Variants in SLC27A5 observed in about 807,000 individuals in gnomAD.
SLC27A5 encodes solute carrier family 27 member 5, also known as long-chain fatty acid transport protein 5.
In SLC27A5, 47 loss-of-function variants were observed where a neutral mutation model predicts 63.1. The observed-to-expected ratio is 0.74, with a 90% CI of 0.59 to 0.95. The LOEUF (loss-of-function observed/expected upper bound fraction) is 0.95, where lower values mean the gene tolerates loss of function less well. Ranked by LOEUF, SLC27A5 falls within the 40% of genes least tolerant of loss-of-function variation. SLC27A5 has a pLI of 0.00. For missense variants in SLC27A5, 940 were observed against 921.0 expected (o/e 1.02, Z -0.27); for synonymous variants, 391 against 403.8 (o/e 0.97, Z 0.38).
chr19:58,498,914 A>G lies in SLC27A5; in HGVS notation c.1767T>C (p.Gly589=). The G allele has an allele frequency of 4.3e-6, 7 of 1,611,524 alleles. No homozygotes were observed. Among genetic ancestry groups the G allele is most frequent in the Non-Finnish European group, 5.9e-6 (7 of 1,179,674 alleles). ...CAGCCATGCCCACCTTACCCTCACAACCTAGAGAGCAGTCTGGTCACTCTC... is the reference window on the plus strand; with the variant it reads ...CAGCCATGCCCACCTTACCCTCACAGCCTAGAGAGCAGTCTGGTCACTCTC... The part of the protein sequence containing the change: ...QVNVYGVCVP[G]CEGKVGMAAV... Residue 589 remains glycine, a splice_region_variant and synonymous_variant, in exon 9 of 10, where the codon GGT becomes GGC. Coordinates refer to ENST00000263093, the MANE Select transcript of SLC27A5 (RefSeq NM_012254.3).
At chr19:58,510,148 T>G in intron 2 of SLC27A5, 143 bp from the exon 3 acceptor site, 1 of 774,626 alleles carries the variant, frequency 1.3e-6, no homozygotes, top group Non-Finnish European at 2.0e-6. Flanking sequence ...GATTTGTGGT[T>G]GGGTTCACAG....
intron 6 of SLC27A5, among the ~76,000 whole-genome samples, chr19:58,499,893 T>C (rs1049701647): frequency 1.3e-5 from 2 of 151,290 alleles, no homozygotes; most frequent in African/African-American, 2.4e-5. Context: ...GAGAGAGAAG[T>C]ATAGAGAAGG....
intron 3 of SLC27A5, 48 bp downstream of exon 3, chr19:58,509,795 CACTT>C: frequency 1.3e-6 from 2 of 1,537,126 alleles, no homozygotes; most frequent in South Asian, 2.4e-5. Flanking sequence ...CCCACGCCGA[CACTT>C]ACTCCCGTGG....
At chr19:58,501,815 A>C (rs760353949) in intron 3 of SLC27A5, among the ~76,000 whole-genome samples, 10 of 152,146 alleles carry the variant, frequency 6.6e-5, no homozygotes, top group African/African-American at 9.7e-5. Context: ...CTGGGATTAC[A>C]AGCACCCGCC....
Position 58,500,704 on chromosome 19 carries a change from T to C in SLC27A5, c.1185A>G (p.Gln395=). The C allele has an allele frequency of 6.2e-7, 1 of 1,612,766 alleles. No individual in the cohort carries two copies. Residue 395 remains glutamine, a splice_region_variant and synonymous_variant, in exon 5 of 10, where the codon CAA becomes CAG. Transcript: ENST00000263093. The part of the protein sequence containing the change: ...LLRYLCNIPQ[Q]PEDRTHTVRL... Reference sequence around the variant, plus strand: ...GGACTGTATGTGTCCGGTCCTCTGGTTGCTACAGGAATGTCCCCAGAAGGG... The same window carrying C: ...GGACTGTATGTGTCCGGTCCTCTGGCTGCTACAGGAATGTCCCCAGAAGGG...
At chr19:58,505,009 G>GA (rs1257638078) in intron 3 of SLC27A5, among the ~76,000 whole-genome samples, 1,312 of 77,458 alleles carry the variant, frequency 0.017, 8 homozygotes, top group Non-Finnish European at 0.026. Context: ...CCATCTCAAA[G>GA]AAAAAAAAAA....
At chr19:58,504,254 G>A (rs1448969902) in intron 3 of SLC27A5, among the ~76,000 whole-genome samples, 5 of 152,126 alleles carry the variant, frequency 3.3e-5, no homozygotes, top group African/African-American at 7.2e-5. Context: ...AATCACTTTG[G>A]TTACAGTTTC....
Position 58,502,543 on chromosome 19 carries a change from G to C in SLC27A5, c.1058-1133C>G, listed in dbSNP as rs570853933. Reference sequence around the variant, plus strand: ...GATGGATGGGTGAACAGTTAGAGTAGTGAGTGAGTGGATGGATGGGTGGAC... The same window carrying C: ...GATGGATGGGTGAACAGTTAGAGTACTGAGTGAGTGGATGGATGGGTGGAC... On this transcript the variant is annotated intron_variant, in intron 3 of 9. Transcript: ENST00000263093. 8.9e-4 allele frequency among the ~76,000 whole-genome samples: 70 copies of C among 78,456 alleles called. 1 individual carries two copies. Among genetic ancestry groups the C allele is most frequent in the African/African-American group, 2.5e-3 (70 of 28,106 alleles). 51.5% of individuals were successfully genotyped at this position (78,456 alleles called of 152,430 possible).
chr19:58,506,843 A>T (rs1381911835), intron 3 of SLC27A5, among the ~76,000 whole-genome samples: 1 of 151,850 alleles, frequency 6.6e-6, no homozygotes, highest in Admixed American at 6.6e-5. Context: ...TCCTGATTTC[A>T]GGTGATCCAG....
At chr19:58,504,899 C>T (rs931274926) in intron 3 of SLC27A5, among the ~76,000 whole-genome samples, 36 of 150,286 alleles carry the variant, frequency 2.4e-4, no homozygotes, top group African/African-American at 6.1e-4. Flanking sequence ...CCAGCTACTC[C>T]GGAGACTTAG....
rs1371293282 is a variant in SLC27A5, at chr19:58,511,899, G to A, written c.57C>T (p.Gly19=). 1.3e-6 allele frequency: 2 copies of A among 1,548,852 alleles called. No individual in the cohort carries two copies. The highest frequency in any genetic ancestry group is 3.9e-5 in the Admixed American group (2 of 51,076). ...CGACTGGCCACACTGGCTGCCCCAG[G>A]CCCCAGAGCAGGAGCAGCAGCAGCA... is the stretch of plus-strand genomic sequence containing the variant. The part of the protein sequence containing the change: ...LLLLLLLLLW[G]LGQPVWPVAV... Residue 19 remains glycine, a synonymous_variant, in exon 1 of 10, where the codon GGC becomes GGT. Coordinates refer to ENST00000263093, the MANE Select transcript of SLC27A5 (RefSeq NM_012254.3).
At chr19:58,500,862 C>T (rs1331362852) in intron 4 of SLC27A5, 156 bp from the exon 5 acceptor site, 1 of 1,435,904 alleles carries the variant, frequency 7.0e-7, no homozygotes, top group East Asian at 2.5e-5. Context: ...GGGTTACTTA[C>T]ATGAGAGTAG....
At position 58,499,651 on chromosome 19, in the gene SLC27A5, T is replaced by G. The variant is rs566100407; in HGVS notation, c.1508A>C (p.Gln503Pro). 2 of 1,612,474 alleles carry G rather than the reference T, an allele frequency of 1.2e-6. No individual in the cohort carries two copies. The highest frequency in any genetic ancestry group is 2.7e-5 in the African/African-American group (2 of 74,996). The change falls in exon 7 of 10, where the codon CAA (glutamine) becomes CCA (proline). Residue 503 changes from glutamine (Q) to proline (P), a missense_variant. Coordinates refer to ENST00000263093, the MANE Select transcript of SLC27A5 (RefSeq NM_012254.3). ...GLLLTKVVSQQPFVGYRGPRE... is the reference protein window; with the variant it reads ...GLLLTKVVSQPPFVGYRGPRE... ...GGGGCCGCGGTAGCCCACGAAGGGT[T>G]GCTGGCTTACCACCTTGGTCAGCAG... is the stretch of plus-strand genomic sequence containing the variant.
chr19:58,499,135 C>T lies in SLC27A5; in HGVS notation c.1753G>A (p.Val585Met). The stretch of plus-strand genomic sequence containing the variant: ...GAACCCTCCGCACCTGGCACGCACA[C>T]GCCATACACGTTAACCTGTTGCAAG... ...DFLQQVNVYG[V>M]CVPGCEGKVG... The change falls in exon 8 of 10, where the codon GTG (valine) becomes ATG (methionine). Residue 585 changes from valine (V) to methionine (M), a missense_variant. By Grantham distance (21) the Val-to-Met change is conservative (BLOSUM62 1). Coordinates refer to ENST00000263093, the MANE Select transcript of SLC27A5 (RefSeq NM_012254.3). 1.2e-6 allele frequency: 2 copies of T among 1,614,024 alleles called. No individual in the cohort carries two copies. The highest frequency in any genetic ancestry group is 8.5e-7 in the Non-Finnish European group (1 of 1,180,000).
intron 3 of SLC27A5, chr19:58,508,545 G>C (rs1306142254): frequency 7.0e-6 from 1 of 142,826 alleles, no homozygotes; most frequent in Non-Finnish European, 1.5e-5. Flanking sequence ...GACAGAGCGA[G>C]ACTCCATCTC....
chr19:58,510,124 C>T (rs1398879653), intron 2 of SLC27A5, 119 bp from the exon 3 acceptor site: 2 of 1,012,766 alleles, frequency 2.0e-6, no homozygotes, highest in African/African-American at 1.6e-5. Context: ...TCTCAGAGAA[C>T]AGTCAAGTAT....
At chr19:58,498,724 G>T (rs1349896126) in intron 9 of SLC27A5, 33 bp from the exon 10 acceptor site, 1 of 1,610,740 alleles carries the variant, frequency 6.2e-7, no homozygotes, top group African/African-American at 1.3e-5. Context: ...CAATCACTGT[G>T]ACATCCACCC....
intron 3 of SLC27A5, among the ~76,000 whole-genome samples, chr19:58,504,411 G>A (rs1329451237): frequency 6.6e-6 from 1 of 152,078 alleles, no homozygotes; most frequent in Non-Finnish European, 1.5e-5. Flanking sequence ...CACTTTGGGA[G>A]GCCGAGGCAG....
intron 3 of SLC27A5, among the ~76,000 whole-genome samples, chr19:58,504,858 T>A (rs972370908): frequency 1.4e-5 from 2 of 148,000 alleles, no homozygotes; most frequent in South Asian, 4.3e-4. Flanking sequence ...ACAAAAAAAA[T>A]AGCCAGGCGT....
Sources: allele counts gnomAD v4.1 joint callset (sites outside exome capture counted in the v4.1 genomes callset), GRCh38; gene constraint gnomAD v4.1.1; transcripts MANE v1.5; gene names NCBI Gene and HGNC (gene_info 2026-07-23, HGNC 2026-07-21).